The following SAMD5 variants were observed in gnomAD, a reference collection of about 807,000 sequenced individuals.
The protein encoded by SAMD5 is sterile alpha motif domain containing 5.
In SAMD5, 13 loss-of-function variants were observed where a neutral mutation model predicts 11.3. The observed-to-expected ratio is 1.15, with a 90% CI of 0.75 to 1.83. The LOEUF (loss-of-function observed/expected upper bound fraction) is 1.83. Ranked by LOEUF, SAMD5 falls within the 40% of genes most tolerant of loss-of-function variation. The pLI, the probability that SAMD5 is intolerant of heterozygous loss-of-function variation, is 0.00. For missense variants in SAMD5, 255 were observed against 239.1 expected (o/e 1.07, Z -0.44); for synonymous variants, 129 against 111.3 (o/e 1.16, Z -1.00).
At chr6:147,868,768 T>C in the SAMD5 span, among the ~76,000 whole-genome samples, 1 of 152,212 alleles carries the variant, frequency 6.6e-6, no homozygotes, top group Non-Finnish European at 1.5e-5. Flanking sequence ...TTTCCTGAGA[T>C]AGGCTGCAGT....
the SAMD5 span, among the ~76,000 whole-genome samples, chr6:147,836,646 T>C: frequency 6.6e-6 from 1 of 152,338 alleles, no homozygotes; most frequent in Non-Finnish European, 1.5e-5. Flanking sequence ...TTCTACTGAA[T>C]GCAAATTACT....
chr6:147,728,158 G>GGC (rs397805742), intron 1 of SAMD5, among the ~76,000 whole-genome samples: 1 of 151,948 alleles, frequency 6.6e-6, no homozygotes, highest in Non-Finnish European at 1.5e-5. Context: ...GGGCCCAGCG[G>GGC]CTCACACCTG....
At chr6:147,943,961 A>G in the SAMD5 span, among the ~76,000 whole-genome samples, 12 of 152,184 alleles carry the variant, frequency 7.9e-5, no homozygotes, top group Admixed American at 1.3e-4. Flanking sequence ...CTCCTGATGG[A>G]CCAAGGGCAC....
At chr6:147,594,612 T>C (rs1375829020) in intron 1 of SAMD5, among the ~76,000 whole-genome samples, 1 of 152,172 alleles carries the variant, frequency 6.6e-6, no homozygotes, top group Non-Finnish European at 1.5e-5. Context: ...AGTTTCCTTT[T>C]AATAGTCAAA....
chr6:147,563,827 G>T (rs1788992769), intron 1 of SAMD5, among the ~76,000 whole-genome samples: 1 of 152,184 alleles, frequency 6.6e-6, no homozygotes, highest in Non-Finnish European at 1.5e-5. Context: ...TGCAACTATG[G>T]TTTTTACATG....
the SAMD5 span, among the ~76,000 whole-genome samples, chr6:147,865,313 AGTGTGT>A: frequency 0.095 from 13,932 of 146,970 alleles, 705 homozygotes; most frequent in South Asian, 0.13. Flanking sequence ...TAGGTATATA[AGTGTGT>A]GTGTGTGTGT....
At chr6:147,937,414 A>G in the SAMD5 span, among the ~76,000 whole-genome samples, 1 of 152,166 alleles carries the variant, frequency 6.6e-6, no homozygotes, top group Non-Finnish European at 1.5e-5. Context: ...TTCCTAGACT[A>G]GGCTTATTGG....
At chr6:147,816,301 A>AATATATATAT in the SAMD5 span, among the ~76,000 whole-genome samples, 112 of 66,296 alleles carry the variant, frequency 1.7e-3, no homozygotes, top group African/African-American at 4.3e-3. Flanking sequence ...AAAAAAAAAA[A>AATATATATAT]ATATATATAT....
chr6:147,615,171 A>G (rs1789847295), intron 1 of SAMD5, among the ~76,000 whole-genome samples: 1 of 150,492 alleles, frequency 6.6e-6, no homozygotes, highest in African/African-American at 2.5e-5. Context: ...CAGATATCGA[A>G]GGATGACTGT....
In SAMD5 at chr6:147,508,872, C is replaced by T; in HGVS notation, c.-57C>T. The T allele has an allele frequency of 2.5e-6, 4 of 1,572,230 alleles. No homozygotes were observed. The highest frequency in any genetic ancestry group is 3.4e-6 in the Non-Finnish European group (4 of 1,161,494). On this transcript the variant is annotated 5_prime_UTR_variant, in exon 1 of 2. Coordinates refer to ENST00000367474, the MANE Select transcript of SAMD5 (RefSeq NM_001030060.3). ...GATTAAAAGTTCCAAGAACTGGTGCCGCCCGTGCCATTTGGGCGCTGGGAA... is the reference window on the plus strand; with the variant it reads ...GATTAAAAGTTCCAAGAACTGGTGCTGCCCGTGCCATTTGGGCGCTGGGAA...
chr6:147,661,098 A>G (rs1187908157), intron 1 of SAMD5, among the ~76,000 whole-genome samples: 1 of 152,194 alleles, frequency 6.6e-6, no homozygotes, highest in Non-Finnish European at 1.5e-5. Context: ...GGATGACAAT[A>G]GGCAATTATA....
At chr6:147,637,297 C>T (rs1434309353) in intron 1 of SAMD5, among the ~76,000 whole-genome samples, 1 of 152,124 alleles carries the variant, frequency 6.6e-6, no homozygotes, top group Non-Finnish European at 1.5e-5. Flanking sequence ...ACCAGGCTCT[C>T]CATAAACCTC....
At chr6:147,812,615 G>T in the SAMD5 span, among the ~76,000 whole-genome samples, 1 of 151,942 alleles carries the variant, frequency 6.6e-6, no homozygotes, top group Non-Finnish European at 1.5e-5. Flanking sequence ...GCCAAATAAA[G>T]CCTGTCTGCA....
At chr6:147,683,485 T>C (rs1312829894) in intron 1 of SAMD5, among the ~76,000 whole-genome samples, 1 of 152,220 alleles carries the variant, frequency 6.6e-6, no homozygotes, top group East Asian at 1.9e-4. Context: ...ATTACATGGG[T>C]ATTTTTTTAC....
At chr6:147,921,607 A>G in the SAMD5 span, among the ~76,000 whole-genome samples, 1 of 152,188 alleles carries the variant, frequency 6.6e-6, no homozygotes, top group African/African-American at 2.4e-5. Context: ...CCAAGACCAC[A>G]CAATAATTGT....
the SAMD5 span, among the ~76,000 whole-genome samples, chr6:147,760,086 T>A: frequency 6.6e-6 from 1 of 152,142 alleles, no homozygotes; most frequent in Non-Finnish European, 1.5e-5. Flanking sequence ...ACATACGGAA[T>A]TATAAAAAGG....
chr6:147,937,865 A>T, the SAMD5 span, among the ~76,000 whole-genome samples: 28 of 152,226 alleles, frequency 1.8e-4, no homozygotes, highest in Non-Finnish European at 3.7e-4. Context: ...TTAAAAATCA[A>T]GATTTAAAAA....
chr6:147,568,502 T>C lies in SAMD5; in HGVS notation c.*4046T>C. 1 of 985,394 alleles carries C rather than the reference T, an allele frequency of 1.0e-6. No individual in the cohort carries two copies. Among genetic ancestry groups the C allele is most frequent in the Non-Finnish European group, 1.2e-6 (1 of 829,900 alleles). The allele number at this position is 985,394 out of a possible 1,614,324, so 61.0% of individuals were successfully genotyped here. A position where few individuals can be genotyped will look rare whatever the true frequency, so the allele number is the denominator to read the frequency against. On this transcript the variant is annotated 3_prime_UTR_variant, in exon 2 of 2. Transcript: ENST00000367474. ...AAATAAGGCATGAAGGGTGGAACAT[T>C]GCATCTAGGGAAAATAAGAGAAATA...
chr6:147,627,446 G>A (rs1311251008), intron 1 of SAMD5, among the ~76,000 whole-genome samples: 1 of 152,126 alleles, frequency 6.6e-6, no homozygotes, highest in Non-Finnish European at 1.5e-5. Flanking sequence ...AGTAAAATTA[G>A]GAACTGGGAA....
Sources: allele counts gnomAD v4.1 joint callset (sites outside exome capture counted in the v4.1 genomes callset), GRCh38; gene constraint gnomAD v4.1.1; transcripts MANE v1.5; gene names NCBI Gene and HGNC (gene_info 2026-07-23, HGNC 2026-07-21).